The following XRRA1 variants were observed in gnomAD, a reference collection of about 807,000 sequenced individuals.
XRRA1 encodes X-ray radiation resistance associated 1.
XRRA1 carries 69 observed loss-of-function variants against 80.2 expected under a neutral mutation model. The ratio of observed to expected loss-of-function variants is 0.86; its 90% CI spans 0.71 to 1.05. XRRA1 has a LOEUF of 1.05. XRRA1 is among the 50% of genes least tolerant of loss of function. The pLI is 0.00. For synonymous variants in XRRA1, 348 were observed against 389.9 expected, an observed-to-expected ratio of 0.89 and a Z score of 1.27; for missense variants, 967 against 976.4, an observed-to-expected ratio of 0.99 and a Z score of 0.13.
chr11:74,918,894 G>C (rs1939734872), intron 8 of XRRA1: 1 of 152,278 alleles, frequency 6.6e-6, no homozygotes, highest in African/African-American at 2.4e-5. Context: ...TGCGTTGGCA[G>C]AGATTCCAGC....
chr11:74,906,230 GTCAC>G lies in XRRA1; in HGVS notation c.1003+5_1003+8del, dbSNP rs1565374305. ...GGGTAGAATTTCTGGGACAAGGGGT[GTCAC>G]TCACCTGTCCGGTCAACATCCTTTT... On this transcript the variant is annotated splice_donor_5th_base_variant and intron_variant, in intron 10 of 18. Coordinates refer to ENST00000684022, the MANE Select transcript of XRRA1 (RefSeq NM_001378157.1). 3 of 1,610,982 alleles carry G rather than the reference GTCAC, an allele frequency of 1.9e-6. No homozygotes were observed. The highest frequency in any genetic ancestry group is 2.5e-6 in the Non-Finnish European group (3 of 1,177,844).
At chr11:74,848,056 C>T in intron 15 of XRRA1, 59 bp downstream of exon 15, 1 of 1,479,900 alleles carries the variant, frequency 6.8e-7, no homozygotes, top group Non-Finnish European at 9.2e-7. Context: ...AGCCTAAGGG[C>T]TGCACAGGAA....
chr11:74,843,586 G>A, intron 18 of XRRA1, 133 bp from the exon 19 acceptor site: 1 of 1,287,746 alleles, frequency 7.8e-7, no homozygotes, highest in Admixed American at 2.5e-5. Flanking sequence ...GCTAAAAATG[G>A]CCTTTCCAGC....
At chr11:74,944,861 A>T (rs1947176855) in intron 2 of XRRA1, among the ~76,000 whole-genome samples, 157 bp downstream of exon 2, 1 of 152,202 alleles carries the variant, frequency 6.6e-6, no homozygotes, top group Non-Finnish European at 1.5e-5. Context: ...CATCTGCTAG[A>T]GGTAAATGAA....
chr11:74,862,085 C>T (rs895112337), intron 11 of XRRA1, among the ~76,000 whole-genome samples: 1 of 152,176 alleles, frequency 6.6e-6, no homozygotes, highest in African/African-American at 2.4e-5. Flanking sequence ...TTAATTCGCC[C>T]TTGCTCTCTT....
In XRRA1 at chr11:74,887,893, C is replaced by T. The variant is rs558894694; in HGVS notation, c.1003+18346G>A. ...CTGGGGGAGGGGCACCCGCCATTGC[C>T]GAGGCTTGAGTAGGTAAACAAGGCA... On this transcript the variant is annotated intron_variant, in intron 10 of 18. Transcript: ENST00000684022. Among the ~76,000 whole-genome samples, 18 of 152,180 alleles carry T rather than the reference C, an allele frequency of 1.2e-4. No homozygotes were observed. The East Asian group carries it at 2.1e-3, about 18-fold the overall frequency.
intron 5 of XRRA1, among the ~76,000 whole-genome samples, chr11:74,933,078 C>T (rs1944033829): frequency 6.6e-6 from 1 of 152,176 alleles, no homozygotes; most frequent in Non-Finnish European, 1.5e-5. Flanking sequence ...GCATGAGTCA[C>T]AGCACCTGTA....
chr11:74,845,040 C>A (rs749624131), intron 16 of XRRA1, 33 bp downstream of exon 16: 2 of 1,608,270 alleles, frequency 1.2e-6, no homozygotes, highest in East Asian at 2.2e-5. Context: ...GAGATGGCCT[C>A]TTGCCCTAGA....
chr11:74,933,725 G>T, intron 5 of XRRA1, 76 bp downstream of exon 5: 1 of 1,401,382 alleles, frequency 7.1e-7, no homozygotes, highest in Non-Finnish European at 9.9e-7. Context: ...GGAGGTGCAA[G>T]AGACAAACCA....
intron 10 of XRRA1, among the ~76,000 whole-genome samples, chr11:74,871,841 C>G (rs1590813785): frequency 6.6e-6 from 1 of 152,208 alleles, no homozygotes; most frequent in Non-Finnish European, 1.5e-5. Flanking sequence ...TATAAAGAAG[C>G]TTTCCAAAAT....
At chr11:74,878,657 G>GAT (rs2046683429) in intron 10 of XRRA1, among the ~76,000 whole-genome samples, 1 of 148,742 alleles carries the variant, frequency 6.7e-6, no homozygotes, top group Admixed American at 6.7e-5. Flanking sequence ...GTAAGGAAGG[G>GAT]ATCCAGTTTC....
chr11:74,910,918 A>G (rs2055728301), intron 8 of XRRA1: 1 of 152,664 alleles, frequency 6.6e-6, no homozygotes, highest in Admixed American at 6.5e-5. Context: ...GGACAACTAC[A>G]TAGTAGGTGG....
chr11:74,947,957 T>C (rs191373886), intron 1 of XRRA1, among the ~76,000 whole-genome samples: 19 of 152,134 alleles, frequency 1.2e-4, no homozygotes, highest in African/African-American at 4.6e-4. Flanking sequence ...ACTCCTGACC[T>C]CAGGTGATCC....
chr11:74,937,175 C>A, intron 3 of XRRA1, 107 bp from the exon 4 acceptor site: 4 of 1,160,652 alleles, frequency 3.4e-6, no homozygotes, highest in Non-Finnish European at 4.8e-6. Context: ...TCCTGATTAT[C>A]TAACATGCAC....
chr11:74,911,981 C>A (rs2056017754), intron 8 of XRRA1, among the ~76,000 whole-genome samples: 1 of 152,118 alleles, frequency 6.6e-6, no homozygotes, highest in South Asian at 2.1e-4. Context: ...GTGAAATTAA[C>A]CAAAACTAAA....
chr11:74,937,117 A>G lies in XRRA1; in HGVS notation c.95-49T>C, dbSNP rs575395686. ...AAAAGGGGAAAACTCCAAAGCTACA[A>G]CGAGTGCAGTTATAGACTTTGTTTA... On this transcript the variant is annotated intron_variant, in intron 3 of 18. Transcript: ENST00000684022. The G allele has an allele frequency of 3.8e-6, 6 of 1,570,518 alleles. 1 individual carries two copies. The South Asian group carries it at 7.0e-5, about 18-fold the overall frequency.
intron 10 of XRRA1, among the ~76,000 whole-genome samples, chr11:74,890,647 G>C (rs556244813): frequency 6.6e-6 from 1 of 152,146 alleles, no homozygotes; most frequent in South Asian, 2.1e-4. Context: ...AAAATTGATA[G>C]ACCGCTAGCA....
intron 8 of XRRA1, among the ~76,000 whole-genome samples, chr11:74,917,440 T>C (rs987261009): frequency 2.0e-5 from 3 of 152,154 alleles, no homozygotes; most frequent in Admixed American, 2.0e-4. Flanking sequence ...AGTTTCAAAA[T>C]TGTTACATCA....
chr11:74,909,566 T>C (rs1419408211), intron 8 of XRRA1, among the ~76,000 whole-genome samples: 1 of 152,230 alleles, frequency 6.6e-6, no homozygotes, highest in Non-Finnish European at 1.5e-5. Flanking sequence ...GTTTCATTTT[T>C]TGTCTCTAAA....
Sources: gnomAD v4.1 joint callset for allele counts (sites outside exome capture counted in the v4.1 genomes callset) on GRCh38, gnomAD v4.1.1 for gene constraint, MANE v1.5 for transcripts, NCBI Gene and HGNC (gene_info 2026-07-23, HGNC 2026-07-21) for gene names.